The following NLGN1 variants were observed in gnomAD, a reference collection of about 807,000 sequenced individuals.
NLGN1 encodes neuroligin-1.
NLGN1 carries 12 observed loss-of-function variants against 65.5 expected under a neutral mutation model. The observed-to-expected ratio is 0.18, with a 90% CI of 0.12 to 0.30. The LOEUF (loss-of-function observed/expected upper bound fraction) is 0.30. NLGN1 is among the 10% of genes least tolerant of loss of function. The pLI is 1.00. For synonymous variants in NLGN1, 350 were observed against 359.5 expected, an observed-to-expected ratio of 0.97 and a Z score of 0.30; for missense variants, 750 against 1,007.1, an observed-to-expected ratio of 0.74 and a Z score of 3.46.
intron 4 of NLGN1, among the ~76,000 whole-genome samples, chr3:173,968,685 A>ATTTTTTTTTT (rs1560744579): frequency 2.2e-5 from 3 of 136,010 alleles, no homozygotes; most frequent in Admixed American, 7.6e-5. Context: ...ACTGAAAATA[A>ATTTTTTTTTT]TCTTTTTTTT....
At chr3:174,206,444 A>G (rs1735430267) in intron 4 of NLGN1, among the ~76,000 whole-genome samples, 1 of 152,026 alleles carries the variant, frequency 6.6e-6, no homozygotes, top group South Asian at 2.1e-4. Flanking sequence ...ACCTCATACT[A>G]CACCAGGGGG....
At chr3:174,064,201 A>C (rs1738002651) in intron 4 of NLGN1, among the ~76,000 whole-genome samples, 1 of 152,072 alleles carries the variant, frequency 6.6e-6, no homozygotes, top group Non-Finnish European at 1.5e-5. Flanking sequence ...AAACAAGGGA[A>C]GATACCAGGA....
At chr3:174,152,236 T>A (rs1253234386) in intron 4 of NLGN1, among the ~76,000 whole-genome samples, 1 of 152,142 alleles carries the variant, frequency 6.6e-6, no homozygotes, top group East Asian at 1.9e-4. Flanking sequence ...AGGAAAAAAG[T>A]TTATGTCTAT....
At chr3:173,743,756 C>G (rs1280350843) in intron 3 of NLGN1, among the ~76,000 whole-genome samples, 4 of 152,058 alleles carry the variant, frequency 2.6e-5, no homozygotes, top group Non-Finnish European at 4.4e-5. Context: ...TCAACTGACT[C>G]TGGAACTCTG....
At chr3:173,882,808 G>A (rs936205419) in intron 4 of NLGN1, among the ~76,000 whole-genome samples, 5 of 152,138 alleles carry the variant, frequency 3.3e-5, no homozygotes, top group Non-Finnish European at 7.4e-5. Context: ...CATTTTATTT[G>A]TATTCACAAC....
chr3:174,169,958 G>A (rs993847688), intron 4 of NLGN1, among the ~76,000 whole-genome samples: 18 of 152,216 alleles, frequency 1.2e-4, no homozygotes, highest in Admixed American at 5.9e-4. Flanking sequence ...TGGGTTGCTC[G>A]GATTCCCAGT....
At chr3:173,740,768 A>G (rs1162147289) in intron 3 of NLGN1, among the ~76,000 whole-genome samples, 1 of 152,072 alleles carries the variant, frequency 6.6e-6, no homozygotes, top group Non-Finnish European at 1.5e-5. Flanking sequence ...TAATTCTTGG[A>G]TGATGAAAGA....
chr3:173,957,923 A>G (rs915085683), intron 4 of NLGN1, among the ~76,000 whole-genome samples: 1 of 152,152 alleles, frequency 6.6e-6, no homozygotes, highest in African/African-American at 2.4e-5. Flanking sequence ...TGGAACAGCA[A>G]GGGGTGTGTG....
intron 4 of NLGN1, among the ~76,000 whole-genome samples, chr3:174,129,529 T>C (rs1231231084): frequency 1.3e-5 from 2 of 152,224 alleles, no homozygotes; most frequent in Admixed American, 6.5e-5. Context: ...GTGAATTTAT[T>C]AGTCAAAGTA....
At position 174,221,341 on chromosome 3, in the gene NLGN1, A is replaced by G. The variant is rs73038828; in HGVS notation, c.647-53974A>G. Among the ~76,000 whole-genome samples the G allele has an allele frequency of 5.8e-3, 882 of 152,260 alleles. 11 individuals carry two copies. Among genetic ancestry groups the G allele is most frequent in the African/African-American group, 0.02 (825 of 41,532 alleles). ...GCCCTGCATACTAATCACAAAAACC[A>G]TCAGCACCAGCACTTTGCCAGCTTC... On this transcript the variant is annotated intron_variant, in intron 4 of 6. Transcript: ENST00000457714.
upstream of NLGN1, chr3:173,397,801 G>A (rs1318113169): frequency 6.6e-6 from 1 of 152,224 alleles, no homozygotes; most frequent in African/African-American, 2.4e-5. Flanking sequence ...CGGGCGGCCA[G>A]CGCCGAGCGC....
intron 2 of NLGN1, among the ~76,000 whole-genome samples, chr3:173,489,766 T>C (rs1427025935): frequency 1.3e-5 from 2 of 151,798 alleles, no homozygotes; most frequent in African/African-American, 4.9e-5. Flanking sequence ...GACTTTTTAA[T>C]GATTGCCATT....
chr3:174,042,128 C>G (rs1732461386), intron 4 of NLGN1, among the ~76,000 whole-genome samples: 1 of 151,920 alleles, frequency 6.6e-6, no homozygotes, highest in African/African-American at 2.4e-5. Context: ...GATACCTGTT[C>G]TTTATCAGAT....
At chr3:174,261,077 C>T (rs376340041) in intron 4 of NLGN1, among the ~76,000 whole-genome samples, 2 of 152,098 alleles carry the variant, frequency 1.3e-5, no homozygotes, top group Non-Finnish European at 1.5e-5. Flanking sequence ...ATGCTGTTTT[C>T]GTTACTGTAG....
intron 4 of NLGN1, among the ~76,000 whole-genome samples, chr3:174,124,442 T>C (rs1718420592): frequency 6.6e-6 from 1 of 151,180 alleles, no homozygotes; most frequent in Non-Finnish European, 1.5e-5. Context: ...CCCTGTTCTA[T>C]GGGAGAGATT....
the NLGN1 span, among the ~76,000 whole-genome samples, chr3:174,292,215 T>G: frequency 6.6e-6 from 1 of 151,306 alleles, no homozygotes; most frequent in Non-Finnish European, 1.5e-5. Context: ...ATGCAAACTA[T>G]GATCAAGCTA....
intron 4 of NLGN1, among the ~76,000 whole-genome samples, chr3:174,029,707 T>C (rs9813216): frequency 0.3 from 45,097 of 152,006 alleles, 7,383 homozygotes; most frequent in African/African-American, 0.43. Context: ...ATAATCCCCA[T>C]ATGTCAAGGG....
chr3:173,480,562 A>G (rs2148965066), intron 2 of NLGN1, among the ~76,000 whole-genome samples: 1 of 152,294 alleles, frequency 6.6e-6, no homozygotes, highest in South Asian at 2.1e-4. Context: ...TATAGCAGTT[A>G]CTTTCCTTAT....
intron 2 of NLGN1, among the ~76,000 whole-genome samples, chr3:173,556,951 T>C (rs918943173): frequency 1.3e-5 from 2 of 152,212 alleles, no homozygotes; most frequent in Non-Finnish European, 2.9e-5. Context: ...TGTGCAGTTA[T>C]AATTTTTTGT....
Sources: gnomAD v4.1 joint callset for allele counts (sites outside exome capture counted in the v4.1 genomes callset) on GRCh38, gnomAD v4.1.1 for gene constraint, MANE v1.5 for transcripts, NCBI Gene and HGNC (gene_info 2026-07-23, HGNC 2026-07-21) for gene names.